IGSF11: variants seen among roughly 807,000 people sequenced by gnomAD.
The protein encoded by IGSF11 is immunoglobulin superfamily member 11, also known as CXADR like 1.
IGSF11 carries 22 observed loss-of-function variants against 41.0 expected under a neutral mutation model. The observed-to-expected ratio is 0.54, with a 90% CI of 0.38 to 0.77. The LOEUF (loss-of-function observed/expected upper bound fraction) is 0.77, where lower values mean the gene tolerates loss of function less well. Ranked by LOEUF, IGSF11 falls within the 30% of genes least tolerant of loss-of-function variation. The probability of loss-of-function intolerance (pLI) is 0.00; values close to 1 mark genes in which losing one functional copy is unlikely to be tolerated. For missense variants in IGSF11, 444 were observed against 530.8 expected, an observed-to-expected ratio of 0.84 and a Z score of 1.61; for synonymous variants, 219 against 201.3, an observed-to-expected ratio of 1.09 and a Z score of -0.74.
At chr3:119,051,105 C>A (rs962480135) in intron 1 of IGSF11, among the ~76,000 whole-genome samples, 3 of 151,044 alleles carry the variant, frequency 2.0e-5, no homozygotes, top group African/African-American at 7.3e-5. Flanking sequence ...ATGTAACTAA[C>A]GTGCACAATG....
intron 1 of IGSF11, among the ~76,000 whole-genome samples, chr3:118,942,854 A>G (rs1458797369): frequency 6.6e-6 from 1 of 152,186 alleles, no homozygotes; most frequent in Non-Finnish European, 1.5e-5. Flanking sequence ...TCACTGAGGA[A>G]GCTACAGTGG....
chr3:118,930,238 C>T lies in IGSF11; in HGVS notation c.90G>A (p.Gly30=). The T allele has an allele frequency of 1.2e-6, 2 of 1,613,842 alleles. No homozygotes were observed. Among genetic ancestry groups the T allele is most frequent in the Middle Eastern group, 1.7e-4 (1 of 6,058 alleles). Residue 30 remains glycine (G), a synonymous_variant, in exon 2 of 7, where the codon GGG becomes GGA. Coordinates refer to ENST00000393775, the MANE Select transcript of IGSF11 (RefSeq NM_001015887.3). The part of the protein sequence containing the change: ...AASLEVSESP[G]SIQVARGQPA... Reference sequence around the variant, plus strand: ...GCTGACCCCGGGCCACCTGGATACTCCCAGGGCTCTCTGACACTTCCAGGG... The same window carrying T: ...GCTGACCCCGGGCCACCTGGATACTTCCAGGGCTCTCTGACACTTCCAGGG...
At chr3:119,037,555 G>A (rs9840838), upstream of IGSF11, among the ~76,000 whole-genome samples, 45,066 of 152,090 alleles carry the variant, frequency 0.3, 7,831 homozygotes, top group African/African-American at 0.48. Context: ...CAAGAAAGAA[G>A]TGGAGAGGGG....
intron 1 of IGSF11, among the ~76,000 whole-genome samples, chr3:118,954,071 T>C (rs189201022): frequency 6.6e-6 from 1 of 152,304 alleles, no homozygotes; most frequent in East Asian, 1.9e-4. Context: ...CTTGAGTTGA[T>C]TTTTGTATAA....
intron 4 of IGSF11, 50 bp from the exon 5 acceptor site, chr3:118,905,768 A>T (rs752847979): frequency 6.2e-7 from 1 of 1,604,702 alleles, no homozygotes; most frequent in East Asian, 2.2e-5. Context: ...CTAATAGCAA[A>T]ACCAAAGAAA....
At chr3:118,998,183 T>C (rs764182954) in intron 1 of IGSF11, among the ~76,000 whole-genome samples, 2 of 152,344 alleles carry the variant, frequency 1.3e-5, no homozygotes, top group East Asian at 1.9e-4. Flanking sequence ...AGTTGGCTTA[T>C]GACCTAATTG....
At chr3:119,038,146 C>T (rs1432666533), upstream of IGSF11, among the ~76,000 whole-genome samples, 1 of 151,574 alleles carries the variant, frequency 6.6e-6, no homozygotes, top group East Asian at 1.9e-4. Flanking sequence ...TGCAAAATGT[C>T]AAGAAAAGCT....
At position 118,941,365 on chromosome 3, in the gene IGSF11, A is replaced by G. The variant is rs940070348; in HGVS notation, c.53-11090T>C. Among the ~76,000 whole-genome samples the G allele has an allele frequency of 1.6e-4, 25 of 152,276 alleles. No individual in the cohort carries two copies. In the South Asian group the frequency reaches 5.0e-3, roughly 30 times the overall value. On this transcript the variant is annotated intron_variant, in intron 1 of 6. Transcript: ENST00000393775. Reference sequence around the variant, plus strand: ...ATAGAAAGTATACAAATGAGTAATAACATCCTGAAACGATGCTCCACTTCA... The same window carrying G: ...ATAGAAAGTATACAAATGAGTAATAGCATCCTGAAACGATGCTCCACTTCA...
chr3:119,105,734 T>C (rs937294221), upstream of IGSF11, among the ~76,000 whole-genome samples: 1 of 152,290 alleles, frequency 6.6e-6, no homozygotes, highest in Middle Eastern at 3.4e-3. Flanking sequence ...TGGCATTTAC[T>C]GATTTTTTTC....
chr3:118,928,044 T>C (rs969029912), intron 3 of IGSF11, among the ~76,000 whole-genome samples: 5 of 152,102 alleles, frequency 3.3e-5, no homozygotes, highest in African/African-American at 1.2e-4. Context: ...TAAAAGGAGG[T>C]ATTATTACAA....
intron 1 of IGSF11, among the ~76,000 whole-genome samples, chr3:119,130,613 C>T (rs572832813): frequency 6.6e-6 from 1 of 152,324 alleles, no homozygotes; most frequent in African/African-American, 2.4e-5. Context: ...CTGTAGACAC[C>T]ACCTCTGTGG....
intron 3 of IGSF11, among the ~76,000 whole-genome samples, chr3:118,927,623 A>G (rs1460701616): frequency 6.6e-6 from 1 of 152,136 alleles, no homozygotes; most frequent in Non-Finnish European, 1.5e-5. Flanking sequence ...ACAACAACGA[A>G]GGAAAAAGAA....
intron 1 of IGSF11, among the ~76,000 whole-genome samples, chr3:119,140,053 G>C (rs1052155678): frequency 6.6e-6 from 1 of 151,532 alleles, no homozygotes; most frequent in East Asian, 1.9e-4. Flanking sequence ...AGGTACACTA[G>C]GAAATATCTA....
At chr3:119,096,010 T>G (rs1576793304) in intron 1 of IGSF11, among the ~76,000 whole-genome samples, 1 of 152,334 alleles carries the variant, frequency 6.6e-6, no homozygotes, top group East Asian at 1.9e-4. Flanking sequence ...GTCCTTCTTT[T>G]CAAGTATACT....
rs115053096 is a variant in IGSF11 at position 119,096,727 on chromosome 3, G to T, written c.49+8417C>A. ...ACATGACTTTACTAAATGCCAAGGC[G>T]TATCAAAGGGGAAACAAACAATAAC... On this transcript the variant is annotated intron_variant, in intron 1 of 6. Transcript: ENST00000354673. 3.3e-5 allele frequency among the ~76,000 whole-genome samples: 5 copies of T among 152,298 alleles called. 1 individual carries two copies. The highest frequency in any genetic ancestry group is 3.9e-4 in the East Asian group (2 of 5,186).
At chr3:118,990,666 G>T (rs1388416701) in intron 1 of IGSF11, among the ~76,000 whole-genome samples, 2 of 152,166 alleles carry the variant, frequency 1.3e-5, no homozygotes, top group African/African-American at 4.8e-5. Flanking sequence ...GAGCAGTATT[G>T]TAGACACTAT....
At chr3:118,959,617 T>C (rs1337380192) in intron 1 of IGSF11, among the ~76,000 whole-genome samples, 1 of 152,054 alleles carries the variant, frequency 6.6e-6, no homozygotes, top group Non-Finnish European at 1.5e-5. Flanking sequence ...TAGTTAGTGG[T>C]TTTCCGCAAA....
rs1424757561 is a variant in IGSF11 at position 119,005,559 on chromosome 3, C to G, written c.52+28972G>C. On this transcript the variant is annotated intron_variant, in intron 1 of 6. Transcript: ENST00000393775. The stretch of plus-strand genomic sequence containing the variant: ...AGTTGATGCAGTTTCTTCCTAGTCT[C>G]GATGGTCTTTACATTTTGGCATGAT... 9.1e-4 allele frequency among the ~76,000 whole-genome samples: 110 copies of G among 120,600 alleles called. 1 individual carries two copies. Among genetic ancestry groups the G allele is most frequent in the Middle Eastern group, 4.0e-3 (1 of 252 alleles). The allele number at this position is 120,600 out of a possible 152,430, so 79.1% of individuals were successfully genotyped here. A position where few individuals can be genotyped will look rare whatever the true frequency, so the allele number is the denominator to read the frequency against.
chr3:119,143,976 A>C (rs1376202453), intron 1 of IGSF11, among the ~76,000 whole-genome samples: 1 of 152,192 alleles, frequency 6.6e-6, no homozygotes, highest in Non-Finnish European at 1.5e-5. Context: ...CAACAAGCTC[A>C]AATTATATGA....
Sources: allele counts gnomAD v4.1 joint callset (sites outside exome capture counted in the v4.1 genomes callset), GRCh38; gene constraint gnomAD v4.1.1; transcripts MANE v1.5; gene names NCBI Gene and HGNC (gene_info 2026-07-23, HGNC 2026-07-21).